GRIK1: variants seen among roughly 807,000 people sequenced by gnomAD.
The protein encoded by GRIK1 is glutamate ionotropic receptor kainate type subunit 1.
GRIK1 carries 69 observed loss-of-function variants against 105.7 expected under a neutral mutation model. That is an observed-to-expected ratio of 0.65 (90% confidence interval 0.54 to 0.80). GRIK1 has a LOEUF of 0.80. Ranked by LOEUF, GRIK1 falls within the 30% of genes least tolerant of loss-of-function variation. The pLI, the probability that GRIK1 is intolerant of heterozygous loss-of-function variation, is 0.00. For synonymous variants in GRIK1, 438 were observed against 431.3 expected (o/e 1.02, Z -0.19); for missense variants, 1,109 against 1,167.3 (o/e 0.95, Z 0.73).
chr21:29,564,358 G>A (rs1009821284), intron 14 of GRIK1, among the ~76,000 whole-genome samples: 1 of 151,884 alleles, frequency 6.6e-6, no homozygotes. Context: ...CGTTTTAGCC[G>A]GGATGGTCTC....
chr21:29,874,837 G>A (rs1255154341), intron 1 of GRIK1, among the ~76,000 whole-genome samples: 3 of 152,094 alleles, frequency 2.0e-5, no homozygotes, highest in Non-Finnish European at 4.4e-5. Flanking sequence ...GGTCATCTGG[G>A]TTCCACATTT....
At chr21:29,703,667 A>T (rs2063853689) in intron 1 of GRIK1, among the ~76,000 whole-genome samples, 1 of 152,216 alleles carries the variant, frequency 6.6e-6, no homozygotes, top group South Asian at 2.1e-4. Flanking sequence ...GATGGGAAGC[A>T]GGTGTTTCTT....
chr21:29,595,340 G>GTTTTTTTTTTTTTTT (rs71191119), intron 9 of GRIK1, among the ~76,000 whole-genome samples: 2 of 136,974 alleles, frequency 1.5e-5, no homozygotes, highest in African/African-American at 2.7e-5. Flanking sequence ...AGTGTAATAG[G>GTTTTTTTTTTTTTTT]TTTTTTTTTT....
Position 29,769,192 on chromosome 21 carries a change from A to G in GRIK1, c.119-75129T>C, listed in dbSNP as rs189465570. ...AGACACCTTGTAATCAGAACCTGAG[A>G]ACATGACTTTATTAGGAGACAAGGT... On this transcript the variant is annotated intron_variant, in intron 1 of 17. Coordinates refer to ENST00000327783, the MANE Select transcript of GRIK1 (RefSeq NM_001330994.2). Among the ~76,000 whole-genome samples the G allele has an allele frequency of 2.3e-3, 355 of 152,306 alleles. 1 individual carries two copies. Among genetic ancestry groups the G allele is most frequent in the Middle Eastern group, 0.01 (3 of 294 alleles).
chr21:29,582,996 C>T (rs1201328845), intron 12 of GRIK1, among the ~76,000 whole-genome samples: 1 of 152,030 alleles, frequency 6.6e-6, no homozygotes, highest in East Asian at 1.9e-4. Context: ...GCAGACAATT[C>T]CTCCTCATGA....
Position 29,565,477 on chromosome 21 carries a change from GGTTAGA to G in GRIK1, c.2131-3634_2131-3629del, listed in dbSNP as rs1408789350. The stretch of plus-strand genomic sequence containing the variant: ...GACGTTGTTTCACTCTTGTTCCCCA[GGTTAGA>G]GTGCAATGGCACGATCTCGGCTCAC... On this transcript the variant is annotated intron_variant, in intron 14 of 17. Transcript: ENST00000327783. 2.0e-5 allele frequency among the ~76,000 whole-genome samples: 3 copies of G among 152,336 alleles called. No individual in the cohort carries two copies. In the East Asian group the frequency reaches 5.8e-4, roughly 29 times the overall value.
At chr21:29,912,674 C>T (rs1761331389) in intron 1 of GRIK1, among the ~76,000 whole-genome samples, 1 of 151,894 alleles carries the variant, frequency 6.6e-6, no homozygotes, top group Non-Finnish European at 1.5e-5. Flanking sequence ...AAATATTTAT[C>T]CAGAATTTTA....
At chr21:29,847,784 C>T (rs764533583) in intron 1 of GRIK1, among the ~76,000 whole-genome samples, 18 of 152,082 alleles carry the variant, frequency 1.2e-4, no homozygotes, top group Admixed American at 2.0e-4. Context: ...TTGGTTGCAT[C>T]GGGATGCTGG....
chr21:29,931,410 C>T (rs2071559002), intron 1 of GRIK1, among the ~76,000 whole-genome samples: 1 of 152,056 alleles, frequency 6.6e-6, no homozygotes, highest in South Asian at 2.1e-4. Flanking sequence ...GGGCTCTAGG[C>T]TTTGGGGAGG....
intron 1 of GRIK1, among the ~76,000 whole-genome samples, chr21:29,799,970 A>C (rs1042658081): frequency 8.5e-5 from 13 of 152,232 alleles, no homozygotes; most frequent in African/African-American, 3.1e-4. Context: ...GAAAATAATA[A>C]AATTTATTTA....
At chr21:29,816,792 G>A (rs949573184) in intron 1 of GRIK1, among the ~76,000 whole-genome samples, 3 of 152,062 alleles carry the variant, frequency 2.0e-5, no homozygotes, top group African/African-American at 7.2e-5. Context: ...GACTGGGAAG[G>A]GAAGTGTGGA....
chr21:29,921,327 C>T (rs2071186597), intron 1 of GRIK1, among the ~76,000 whole-genome samples: 1 of 152,078 alleles, frequency 6.6e-6, no homozygotes, highest in Admixed American at 6.6e-5. Flanking sequence ...AAGGTTTTTC[C>T]AATATATTTC....
At chr21:29,581,606 C>G (rs573606446) in intron 12 of GRIK1, 63 bp from the exon 13 acceptor site, 5 of 920,282 alleles carry the variant, frequency 5.4e-6, no homozygotes, top group Non-Finnish European at 8.9e-6. Flanking sequence ...CCAGCAAAAC[C>G]AAAACCTGCT....
intron 1 of GRIK1, among the ~76,000 whole-genome samples, chr21:29,791,192 C>T (rs769905116): frequency 5.3e-5 from 8 of 152,010 alleles, no homozygotes; most frequent in Non-Finnish European, 1.2e-4. Flanking sequence ...TGGGACTTCG[C>T]AAGATGTGGT....
At chr21:29,755,931 T>C (rs1275020915) in intron 1 of GRIK1, among the ~76,000 whole-genome samples, 1 of 152,178 alleles carries the variant, frequency 6.6e-6, no homozygotes, top group Non-Finnish European at 1.5e-5. Flanking sequence ...AGAAGAGAAA[T>C]GCAAAGCATA....
At chr21:29,585,099 A>C (rs529340179) in intron 12 of GRIK1, among the ~76,000 whole-genome samples, 3 of 152,276 alleles carry the variant, frequency 2.0e-5, no homozygotes, top group Non-Finnish European at 2.9e-5. Context: ...AACCAAGACA[A>C]GGGCAAGAAG....
chr21:29,912,938 G>A (rs966513195), intron 1 of GRIK1, among the ~76,000 whole-genome samples: 2 of 151,982 alleles, frequency 1.3e-5, no homozygotes, highest in Admixed American at 6.6e-5. Context: ...TTAGCCAATG[G>A]CACAAGAATC....
intron 1 of GRIK1, among the ~76,000 whole-genome samples, chr21:29,822,756 C>T (rs2067340481): frequency 6.6e-6 from 1 of 151,940 alleles, no homozygotes; most frequent in South Asian, 2.1e-4. Context: ...GAAAACTAAG[C>T]TCTTCAACAT....
intron 15 of GRIK1, among the ~76,000 whole-genome samples, chr21:29,558,491 G>A (rs902581928): frequency 6.6e-6 from 1 of 151,450 alleles, no homozygotes; most frequent in Non-Finnish European, 1.5e-5. Flanking sequence ...TATTCTCAAT[G>A]GATGTATTCT....
Sources: gnomAD v4.1 joint callset for allele counts (sites outside exome capture counted in the v4.1 genomes callset) on GRCh38, gnomAD v4.1.1 for gene constraint, MANE v1.5 for transcripts, NCBI Gene and HGNC (gene_info 2026-07-23, HGNC 2026-07-21) for gene names.